PPP2R5E: variants seen among roughly 807,000 people sequenced by gnomAD.
PPP2R5E encodes protein phosphatase 2 regulatory subunit B'epsilon, also known as serine/threonine-protein phosphatase 2A 56 kDa regulatory subunit epsilon isoform.
A neutral mutation model predicts 65.3 loss-of-function variants in PPP2R5E; 4 were observed. The observed-to-expected ratio is 0.06, with a 90% confidence interval of 0.03 to 0.14. PPP2R5E has a LOEUF of 0.14. Among genes scored for constraint, PPP2R5E ranks in the 10% least tolerant of loss-of-function variants. The probability of loss-of-function intolerance (pLI) is 1.00; values close to 1 mark genes in which losing one functional copy is unlikely to be tolerated. For missense variants in PPP2R5E, 274 were observed against 556.1 expected, an observed-to-expected ratio of 0.49 and a Z score of 5.10; for synonymous variants, 183 against 187.4, an observed-to-expected ratio of 0.98 and a Z score of 0.19.
At chr14:63,479,815 C>T (rs372045059) in intron 2 of PPP2R5E, among the ~76,000 whole-genome samples, 1 of 152,242 alleles carries the variant, frequency 6.6e-6, no homozygotes. Flanking sequence ...AAACCATATG[C>T]AAGTGCCAGT....
intron 5 of PPP2R5E, among the ~76,000 whole-genome samples, chr14:63,403,352 C>T (rs1594835015): frequency 7.2e-6 from 1 of 138,858 alleles, no homozygotes; most frequent in Admixed American, 7.7e-5. Context: ...CGTGCCACTA[C>T]ACTCCAGCCT....
intron 3 of PPP2R5E, among the ~76,000 whole-genome samples, chr14:63,438,175 G>A (rs1269692058): frequency 6.6e-6 from 1 of 152,166 alleles, no homozygotes; most frequent in Non-Finnish European, 1.5e-5. Context: ...AGGCACTCCT[G>A]TCTCTGTGAA....
rs1259813818 is a variant in PPP2R5E at position 63,415,559 on chromosome 14, GC to G, written c.457-328del. ...ACTATAAATATATTCTTCCAGTTTT[GC>G]AAACTACTTGTACCATTTAAACAAT... On this transcript the variant is annotated intron_variant, in intron 4 of 13. Coordinates refer to ENST00000337537, the MANE Select transcript of PPP2R5E (RefSeq NM_006246.5). Among the ~76,000 whole-genome samples, 3 of 151,806 alleles carry G rather than the reference GC, an allele frequency of 2.0e-5. No individual in the cohort carries two copies. The East Asian group carries it at 5.8e-4, about 29-fold the overall frequency.
intron 2 of PPP2R5E, among the ~76,000 whole-genome samples, chr14:63,470,828 CA>C (rs35728680): frequency 4.9e-3 from 350 of 71,852 alleles, no homozygotes; most frequent in African/African-American, 6.4e-3. Context: ...TCCGTCTCTA[CA>C]AAAAAAAAAA....
chr14:63,489,235 T>G (rs79604880), intron 2 of PPP2R5E, among the ~76,000 whole-genome samples: 1 of 151,970 alleles, frequency 6.6e-6, no homozygotes, highest in East Asian at 1.9e-4. Context: ...CAAAGAAGAT[T>G]TGGAAAGTAA....
intron 13 of PPP2R5E, 60 bp downstream of exon 13, chr14:63,381,996 G>T: frequency 7.2e-7 from 1 of 1,391,562 alleles, no homozygotes; most frequent in Non-Finnish European, 9.9e-7. Flanking sequence ...CTTCAGCAAA[G>T]AGCAAGGAAA....
At chr14:63,502,139 C>T (rs1891920973) in intron 2 of PPP2R5E, among the ~76,000 whole-genome samples, 1 of 152,196 alleles carries the variant, frequency 6.6e-6, no homozygotes, top group Non-Finnish European at 1.5e-5. Context: ...AAGTGATCCA[C>T]CTGCCCTGGT....
intron 2 of PPP2R5E, among the ~76,000 whole-genome samples, chr14:63,524,291 C>T (rs1327988134): frequency 1.3e-5 from 2 of 152,188 alleles, no homozygotes; most frequent in African/African-American, 4.8e-5. Flanking sequence ...ACTGCATATT[C>T]TGAAACAAGA....
rs1893802968 is a variant in PPP2R5E at position 63,539,546 on chromosome 14, G to A, written c.140C>T (p.Pro47Leu). Residue 47 changes from proline (P) to leucine (L), a missense_variant, in exon 2 of 14, where the codon CCT becomes CTT. By Grantham distance (98) the Pro-to-Leu change is moderately conservative. Coordinates refer to ENST00000337537, the MANE Select transcript of PPP2R5E (RefSeq NM_006246.5). The part of the protein sequence containing the change: ...RSQGKPIELT[P>L]LPLLKDVPSS... ...AGCCTTACCTTTTAGCAGCGGCAGA[G>A]GTGTTAACTCAATAGGCTTGCCTTG... 6.2e-7 allele frequency: 1 copy of A among 1,613,950 alleles called. No homozygotes were observed. The highest frequency in any genetic ancestry group is 1.1e-5 in the South Asian group (1 of 91,054).
At chr14:63,489,496 A>G (rs1370798384) in intron 2 of PPP2R5E, among the ~76,000 whole-genome samples, 1 of 149,812 alleles carries the variant, frequency 6.7e-6, no homozygotes, top group Non-Finnish European at 1.5e-5. Flanking sequence ...TGCAGCCTTG[A>G]CCTCCCAGGC....
chr14:63,481,727 T>C (rs1237562568), intron 2 of PPP2R5E, among the ~76,000 whole-genome samples: 1 of 152,220 alleles, frequency 6.6e-6, no homozygotes, highest in African/African-American at 2.4e-5. Flanking sequence ...AAATTCTGTT[T>C]ACTTCTGAAT....
intron 2 of PPP2R5E, among the ~76,000 whole-genome samples, chr14:63,492,419 G>A (rs1178078260): frequency 4.6e-5 from 7 of 151,958 alleles, no homozygotes; most frequent in Non-Finnish European, 1.0e-4. Flanking sequence ...ATATAAAGGT[G>A]GCCTTTAGAA....
chr14:63,503,412 C>G (rs1053489216), intron 2 of PPP2R5E, among the ~76,000 whole-genome samples: 1 of 152,134 alleles, frequency 6.6e-6, no homozygotes, highest in South Asian at 2.1e-4. Flanking sequence ...AAAGCAATAT[C>G]CAGTCTGCTC....
At chr14:63,511,181 G>C (rs530298214) in intron 2 of PPP2R5E, among the ~76,000 whole-genome samples, 74 of 152,242 alleles carry the variant, frequency 4.9e-4, no homozygotes, top group African/African-American at 1.6e-3. Flanking sequence ...TTGGCCAATG[G>C]GACAATAGCA....
At chr14:63,475,318 C>T (rs1890353288) in intron 2 of PPP2R5E, among the ~76,000 whole-genome samples, 1 of 152,200 alleles carries the variant, frequency 6.6e-6, no homozygotes, top group South Asian at 2.1e-4. Context: ...TCTTGGGTCA[C>T]GGAGTCACCC....
chr14:63,486,537 T>C (rs1025092581), intron 2 of PPP2R5E, among the ~76,000 whole-genome samples: 8 of 151,980 alleles, frequency 5.3e-5, no homozygotes, highest in Non-Finnish European at 7.4e-5. Context: ...ACACACTAGA[T>C]ACAAAATCCC....
At chr14:63,401,675 G>T (rs1007597274) in intron 5 of PPP2R5E, among the ~76,000 whole-genome samples, 1 of 152,150 alleles carries the variant, frequency 6.6e-6, no homozygotes, top group Non-Finnish European at 1.5e-5. Context: ...AAATGACAGT[G>T]AAAGAATAAG....
intron 2 of PPP2R5E, among the ~76,000 whole-genome samples, chr14:63,459,756 G>C (rs1365115534): frequency 6.6e-6 from 1 of 152,160 alleles, no homozygotes; most frequent in East Asian, 1.9e-4. Flanking sequence ...ATGTCACTAC[G>C]GTTAAAAACC....
chr14:63,490,988 C>G (rs1278393788), intron 2 of PPP2R5E, among the ~76,000 whole-genome samples: 1 of 151,472 alleles, frequency 6.6e-6, no homozygotes, highest in Non-Finnish European at 1.5e-5. Flanking sequence ...AATCAACCTT[C>G]AACAGTGGAC....
Sources: gnomAD v4.1 joint callset for allele counts (sites outside exome capture counted in the v4.1 genomes callset) on GRCh38, gnomAD v4.1.1 for gene constraint, MANE v1.5 for transcripts, NCBI Gene and HGNC (gene_info 2026-07-23, HGNC 2026-07-21) for gene names.